The following DOCK4 variants were observed in gnomAD, a reference collection of about 807,000 sequenced individuals.
The protein encoded by DOCK4 is dedicator of cytokinesis protein 4.
DOCK4 carries 97 observed loss-of-function variants against 268.1 expected under a neutral mutation model. The observed-to-expected ratio is 0.36, with a 90% CI of 0.31 to 0.43. DOCK4 has a LOEUF of 0.43. Ranked by LOEUF, DOCK4 falls within the 20% of genes least tolerant of loss-of-function variation. The pLI, the probability that DOCK4 is intolerant of heterozygous loss-of-function variation, is 1.00. For synonymous variants in DOCK4, 954 were observed against 887.2 expected (o/e 1.08, Z -1.34); for missense variants, 2,145 against 2,455.7 (o/e 0.87, Z 2.67).
intron 1 of DOCK4, among the ~76,000 whole-genome samples, chr7:112,032,581 C>T (rs1327079561): frequency 1.3e-5 from 2 of 152,156 alleles, no homozygotes; most frequent in Non-Finnish European, 2.9e-5. Flanking sequence ...GTGAATTCCT[C>T]CCTACACAAC....
chr7:111,762,752 G>GTTTTCTTTTTTTT, intron 39 of DOCK4, among the ~76,000 whole-genome samples: 1 of 63,080 alleles, frequency 1.6e-5, no homozygotes, highest in South Asian at 6.4e-4. Context: ...AACCCATTTT[G>GTTTTCTTTTTTTT]TTTTGTTTTC....
At chr7:111,944,536 A>G (rs967064558) in intron 10 of DOCK4, among the ~76,000 whole-genome samples, 7 of 152,202 alleles carry the variant, frequency 4.6e-5, no homozygotes, top group Admixed American at 4.6e-4. Context: ...TGAATCAAAT[A>G]TGTTTAGGAA....
At chr7:111,866,572 G>A (rs1805992918) in intron 22 of DOCK4, among the ~76,000 whole-genome samples, 1 of 152,296 alleles carries the variant, frequency 6.6e-6, no homozygotes, top group Non-Finnish European at 1.5e-5. Flanking sequence ...AGCAGTGGGA[G>A]TCAGTGTGTT....
chr7:112,119,690 G>C (rs1812544190), intron 1 of DOCK4, among the ~76,000 whole-genome samples: 1 of 152,028 alleles, frequency 6.6e-6, no homozygotes, highest in South Asian at 2.1e-4. Flanking sequence ...ACCCTTCTGT[G>C]GCCTTGGGGA....
At chr7:112,085,650 A>G (rs1417492016) in intron 1 of DOCK4, among the ~76,000 whole-genome samples, 1 of 152,186 alleles carries the variant, frequency 6.6e-6, no homozygotes, top group Admixed American at 6.5e-5. Context: ...AATCACAATG[A>G]GAAAACTAAG....
intron 36 of DOCK4, among the ~76,000 whole-genome samples, chr7:111,775,096 T>A (rs1194615471): frequency 6.6e-6 from 1 of 152,220 alleles, no homozygotes; most frequent in Non-Finnish European, 1.5e-5. Context: ...TTTTGAAAGA[T>A]TTCTAGGCAA....
intron 25 of DOCK4, among the ~76,000 whole-genome samples, 177 bp downstream of exon 25, chr7:111,844,586 A>G (rs1225446758): frequency 6.6e-6 from 1 of 152,252 alleles, no homozygotes; most frequent in African/African-American, 2.4e-5. Context: ...TTCCTTTAAC[A>G]AACATGTTTT....
rs191177199 is a variant in DOCK4 at position 111,812,865 on chromosome 7, A to G, written c.2931-916T>C. On this transcript the variant is annotated intron_variant, in intron 27 of 52. Transcript: ENST00000428084. ...GTTACAGACATTCAGAGAAAGGGTCATCTCCAGGGCAGGAGAAATCAGGAA... is the reference window on the plus strand; with the variant it reads ...GTTACAGACATTCAGAGAAAGGGTCGTCTCCAGGGCAGGAGAAATCAGGAA... 2.6e-5 allele frequency among the ~76,000 whole-genome samples: 4 copies of G among 152,352 alleles called. No individual in the cohort carries two copies. In the East Asian group the frequency reaches 7.7e-4, roughly 29 times the overall value.
chr7:112,129,805 T>A (rs926625183), intron 1 of DOCK4, among the ~76,000 whole-genome samples: 1 of 152,232 alleles, frequency 6.6e-6, no homozygotes, highest in Non-Finnish European at 1.5e-5. Context: ...CCTCCTTTTA[T>A]GGGGTTGTCA....
In DOCK4 at chr7:112,139,414, C is replaced by T. The variant is rs117363020; in HGVS notation, c.37+66688G>A. The stretch of plus-strand genomic sequence containing the variant: ...TAACCACTAATCCCAACAGAAGGCA[C>T]TCCCACTGGTCTATTAGGCAGCAAT... On this transcript the variant is annotated intron_variant, in intron 1 of 52. Transcript: ENST00000428084. Among the ~76,000 whole-genome samples the T allele has an allele frequency of 6.3e-4, 96 of 152,312 alleles. No homozygotes were observed. In the East Asian group the frequency reaches 0.017, roughly 26 times the overall value.
chr7:112,179,379 C>G (rs1239435935), intron 1 of DOCK4, among the ~76,000 whole-genome samples: 2 of 7,026 alleles, frequency 2.8e-4, no homozygotes, highest in Non-Finnish European at 4.6e-4. Context: ...GGGCCTGTAC[C>G]TTAAAAAAAA....
chr7:111,828,151 A>G (rs946130062), intron 26 of DOCK4, among the ~76,000 whole-genome samples: 21 of 152,216 alleles, frequency 1.4e-4, no homozygotes, highest in Admixed American at 1.0e-3. Context: ...AATCTTGATC[A>G]CTACCTAGTG....
chr7:111,777,465 A>C (rs1798520101), intron 36 of DOCK4, among the ~76,000 whole-genome samples: 1 of 152,236 alleles, frequency 6.6e-6, no homozygotes, highest in Admixed American at 6.5e-5. Flanking sequence ...TTATCCTCTT[A>C]AATTCATTAA....
chr7:112,175,549 T>C (rs1451139596), intron 1 of DOCK4, among the ~76,000 whole-genome samples: 1 of 152,152 alleles, frequency 6.6e-6, no homozygotes, highest in East Asian at 1.9e-4. Flanking sequence ...AATTGACATA[T>C]GTATATAAAT....
chr7:111,903,155 T>C (rs10253116), intron 13 of DOCK4, among the ~76,000 whole-genome samples: 196 of 152,332 alleles, frequency 1.3e-3, no homozygotes, highest in African/African-American at 4.3e-3. Flanking sequence ...CTCAATACCA[T>C]GGACCATGGG....
chr7:112,018,179 A>AAAAAAAAAAAAAAAACACAC, intron 1 of DOCK4, among the ~76,000 whole-genome samples: 5 of 72,590 alleles, frequency 6.9e-5, no homozygotes, highest in African/African-American at 1.1e-4. Flanking sequence ...AAAAAAAAAA[A>AAAAAAAAAAAAAAAACACAC]ACACAGGCAA....
intron 16 of DOCK4, among the ~76,000 whole-genome samples, chr7:111,881,308 A>G (rs540730792): frequency 6.6e-6 from 1 of 152,360 alleles, no homozygotes; most frequent in East Asian, 1.9e-4. Context: ...CATGGCAAAC[A>G]GGCATATAAA....
intron 50 of DOCK4, among the ~76,000 whole-genome samples, chr7:111,735,467 C>G (rs1225473943): frequency 6.6e-6 from 1 of 152,108 alleles, no homozygotes; most frequent in African/African-American, 2.4e-5. Context: ...TGCTGGATAA[C>G]AGATGGAAGA....
chr7:111,791,070 T>TTTTATATATATATATA (rs1799494240), intron 30 of DOCK4, among the ~76,000 whole-genome samples: 1 of 95,484 alleles, frequency 1.0e-5, no homozygotes, highest in African/African-American at 6.1e-5. Flanking sequence ...AAAAAAAAAA[T>TTTTATATATATATATA]TATATATATA....
Sources: gnomAD v4.1 joint callset for allele counts (sites outside exome capture counted in the v4.1 genomes callset) on GRCh38, gnomAD v4.1.1 for gene constraint, MANE v1.5 for transcripts, NCBI Gene and HGNC (gene_info 2026-07-23, HGNC 2026-07-21) for gene names.